Variants in MVB12B observed in about 807,000 individuals in gnomAD.
MVB12B encodes ESCRT-I complex subunit MVB12B.
In MVB12B, 16 loss-of-function variants were observed where a neutral mutation model predicts 41.6. The ratio of observed to expected loss-of-function variants is 0.38; its 90% CI spans 0.26 to 0.58. MVB12B has a LOEUF of 0.58. MVB12B is among the 20% of genes least tolerant of loss of function. The probability of loss-of-function intolerance (pLI) is 0.62; values close to 1 mark genes in which losing one functional copy is unlikely to be tolerated. For missense variants in MVB12B, 274 were observed against 380.2 expected (o/e 0.72, Z 2.32); for synonymous variants, 133 against 139.7 (o/e 0.95, Z 0.34).
rs1829198786 is a variant in MVB12B at position 126,333,818 on chromosome 9, C to T, written c.82-6690C>T. Among the ~76,000 whole-genome samples, 1 of 151,878 alleles carries T rather than the reference C, an allele frequency of 6.6e-6. No individual in the cohort carries two copies. The highest frequency in any genetic ancestry group is 1.5e-5 in the Non-Finnish European group (1 of 68,012). ...GGAGGGCTGATTCTGAGGCTTTTCTCCATGGAAGATTACCTTTAGGTTCAT... is the reference window on the plus strand; with the variant it reads ...GGAGGGCTGATTCTGAGGCTTTTCTTCATGGAAGATTACCTTTAGGTTCAT... On this transcript the variant is annotated intron_variant, in intron 1 of 9. Coordinates refer to ENST00000361171, the MANE Select transcript of MVB12B (RefSeq NM_033446.3). The surrounding 1 kb of genome is among the most constrained non-coding windows in gnomAD (Gnocchi z 4.7).
intron 7 of MVB12B, among the ~76,000 whole-genome samples, chr9:126,457,522 A>G (rs935246307): frequency 1.3e-5 from 2 of 152,064 alleles, no homozygotes; most frequent in African/African-American, 4.8e-5. Flanking sequence ...ATTTTTTTAA[A>G]TTATTTTATT....
chr9:126,431,764 C>G (rs1376246026), intron 7 of MVB12B, among the ~76,000 whole-genome samples: 1 of 152,166 alleles, frequency 6.6e-6, no homozygotes, highest in African/African-American at 2.4e-5. Context: ...TGGGTGCAGG[C>G]CCTGTCTCTC....
chr9:126,410,896 T>G (rs955830581), intron 6 of MVB12B, among the ~76,000 whole-genome samples: 15 of 150,470 alleles, frequency 1.0e-4, no homozygotes, highest in African/African-American at 3.7e-4. Context: ...TTCTTTTTTT[T>G]TTTTTTTTTG....
chr9:126,360,054 A>AT (rs1829988093), intron 2 of MVB12B, among the ~76,000 whole-genome samples: 1 of 152,178 alleles, frequency 6.6e-6, no homozygotes, highest in African/African-American at 2.4e-5. Context: ...TAACATAAGC[A>AT]TTTAATGCTA....
At position 126,458,273 on chromosome 9, in the gene MVB12B, A is replaced by G. The variant is rs558087937; in HGVS notation, c.758-23096A>G. On this transcript the variant is annotated intron_variant, in intron 7 of 9. Transcript: ENST00000361171. ...GGCTCAGCCTCACCAGGCCCAGGAT[A>G]GAGACCAGGACAAATGAGATAATGG... Among the ~76,000 whole-genome samples, 20 of 152,312 alleles carry G rather than the reference A, an allele frequency of 1.3e-4. 1 individual carries two copies. The highest frequency in any genetic ancestry group is 1.3e-3 in the Admixed American group (20 of 15,302).
Position 126,395,637 on chromosome 9 carries a change from C to G in MVB12B, c.602C>G (p.Ser201Cys). 3 of 1,614,158 alleles carry G rather than the reference C, an allele frequency of 1.9e-6. No homozygotes were observed. The highest frequency in any genetic ancestry group is 2.5e-6 in the Non-Finnish European group (3 of 1,180,024). ...AGAGTACCAAGAAATCATGACTCATCTCAACCCACAACGCCTTCCCAGTCA... is the reference window on the plus strand; with the variant it reads ...AGAGTACCAAGAAATCATGACTCATGTCAACCCACAACGCCTTCCCAGTCA... ...MGRVPRNHDS[S>C]QPTTPSQSSA... Residue 201 changes from serine (S) to cysteine (C), a missense_variant, in exon 6 of 10, where the codon TCT becomes TGT. Ser to Cys is a moderately radical substitution (Grantham distance 112). Coordinates refer to ENST00000361171, the MANE Select transcript of MVB12B (RefSeq NM_033446.3). This position sits in a 1 kb window ranked among gnomAD's most constrained non-coding sequence, Gnocchi z 4.9.
chr9:126,332,916 C>T (rs1829168044), intron 1 of MVB12B, among the ~76,000 whole-genome samples: 1 of 152,180 alleles, frequency 6.6e-6, no homozygotes, highest in South Asian at 2.1e-4. Flanking sequence ...ATGTTCTAGC[C>T]TTCTGAGAGG....
chr9:126,460,266 G>C (rs1290739134), intron 7 of MVB12B, among the ~76,000 whole-genome samples: 1 of 152,194 alleles, frequency 6.6e-6, no homozygotes, highest in Non-Finnish European at 1.5e-5. Context: ...CCGCCTTGCT[G>C]GACACATTCC....
At position 126,340,595 on chromosome 9, in the gene MVB12B, G is replaced by T. The variant is rs758869168; in HGVS notation, c.169G>T (p.Ala57Ser). ...MDPITGVGVV[A>S]SRNRAPTGYD... ...TCCCATCACGGGAGTCGGGGTGGTG[G>T]CTTCTCGGAACCGAGCCCCGACAGG... is the stretch of plus-strand genomic sequence containing the variant. The change falls in exon 2 of 10, where the codon GCT (alanine) becomes TCT (serine). Residue 57 changes from alanine to serine, a missense_variant. Coordinates refer to ENST00000361171, the MANE Select transcript of MVB12B (RefSeq NM_033446.3). The surrounding 1 kb of genome is among the most constrained non-coding windows in gnomAD (Gnocchi z 4.0). The T allele has an allele frequency of 7.4e-6, 12 of 1,614,134 alleles. No homozygotes were observed. The highest frequency in any genetic ancestry group is 1.0e-5 in the Non-Finnish European group (12 of 1,179,994).
intron 7 of MVB12B, among the ~76,000 whole-genome samples, chr9:126,462,614 C>T (rs546088512): frequency 1.3e-5 from 2 of 152,292 alleles, no homozygotes; most frequent in Admixed American, 6.5e-5. Context: ...TCTCTGCGCT[C>T]GTTATTTCAA....
At position 126,356,060 on chromosome 9, in the gene MVB12B, G is replaced by T. The variant is rs564520018; in HGVS notation, c.204+15430G>T. On this transcript the variant is annotated intron_variant, in intron 2 of 9. Coordinates refer to ENST00000361171, the MANE Select transcript of MVB12B (RefSeq NM_033446.3). ...TATAAGATGTGACCTTTTTTGTTTG[G>T]CTTCTTTCACTTAGAGTCATGTTTT... Among the ~76,000 whole-genome samples, 137 of 152,008 alleles carry T rather than the reference G, an allele frequency of 9.0e-4. 5 individuals carry two copies. In the South Asian group the frequency reaches 0.028, roughly 31 times the overall value.
chr9:126,387,579 A>G (rs1830834023), intron 4 of MVB12B, among the ~76,000 whole-genome samples: 1 of 152,210 alleles, frequency 6.6e-6, no homozygotes, highest in Non-Finnish European at 1.5e-5. Flanking sequence ...ATTTTCATGA[A>G]ACCAGCAGAC....
chr9:126,340,103 G>A lies in MVB12B; in HGVS notation c.82-405G>A, dbSNP rs1829400576. On this transcript the variant is annotated intron_variant, in intron 1 of 9. Coordinates refer to ENST00000361171, the MANE Select transcript of MVB12B (RefSeq NM_033446.3). The surrounding 1 kb of genome is among the most constrained non-coding windows in gnomAD (Gnocchi z 4.0). ...TGTGGGTTTGGAAGTCTAGGCCTCC[G>A]TAGGAGAGATTGCAAGGGAGAGAGA... Among the ~76,000 whole-genome samples the A allele has an allele frequency of 6.6e-6, 1 of 152,136 alleles. No individual in the cohort carries two copies. Among genetic ancestry groups the A allele is most frequent in the South Asian group, 2.1e-4 (1 of 4,832 alleles).
chr9:126,455,099 C>G (rs992370197), intron 7 of MVB12B, among the ~76,000 whole-genome samples: 7 of 152,202 alleles, frequency 4.6e-5, no homozygotes, highest in Admixed American at 1.3e-4. Context: ...GGCTTCAGCT[C>G]TCTCCCCAGT....
At chr9:126,466,275 C>G (rs1833196335) in intron 7 of MVB12B, among the ~76,000 whole-genome samples, 1 of 152,182 alleles carries the variant, frequency 6.6e-6, no homozygotes, top group African/African-American at 2.4e-5. Context: ...TCCACGTGAT[C>G]TCTCAGGCTC....
At chr9:126,432,334 A>T (rs746434135) in intron 7 of MVB12B, among the ~76,000 whole-genome samples, 3 of 152,180 alleles carry the variant, frequency 2.0e-5, no homozygotes, top group Non-Finnish European at 4.4e-5. Flanking sequence ...TCAGAGGTTT[A>T]CTCTGGAGTG....
intron 6 of MVB12B, among the ~76,000 whole-genome samples, chr9:126,409,299 CTGTGTGTG>C (rs61211126): frequency 0.03 from 4,119 of 138,108 alleles, 116 homozygotes; most frequent in African/African-American, 0.068. Context: ...GTGAGTAACT[CTGTGTGTG>C]TGTGTGTGTG....
Position 126,381,187 on chromosome 9 carries a change from G to GT in MVB12B, c.312+19dup. The GT allele has an allele frequency of 6.4e-7, 1 of 1,561,960 alleles. No individual in the cohort carries two copies. Among genetic ancestry groups the GT allele is most frequent in the Non-Finnish European group, 8.8e-7 (1 of 1,133,690 alleles). On this transcript the variant is annotated intron_variant, in intron 3 of 9. Transcript: ENST00000361171. ...CAAAGAAAATGTAAGTCTAGTCGTA[G>GT]TTTCCATTTGCTGAGTGAGCACAAG...
At chr9:126,373,763 G>A (rs1830405725) in intron 2 of MVB12B, among the ~76,000 whole-genome samples, 1 of 152,076 alleles carries the variant, frequency 6.6e-6, no homozygotes, top group Non-Finnish European at 1.5e-5. Context: ...TTTAAATCCA[G>A]CGGATTTTTA....
Sources: gnomAD v4.1 joint callset for allele counts (sites outside exome capture counted in the v4.1 genomes callset) on GRCh38, gnomAD v4.1.1 for gene constraint, Gnocchi (gnomAD v3.1) non-coding constraint, MANE v1.5 for transcripts, NCBI Gene and HGNC (gene_info 2026-07-23, HGNC 2026-07-21) for gene names.